NF1: variants seen among roughly 807,000 people sequenced by gnomAD.
NF1 encodes neurofibromin.
NF1 carries 122 observed loss-of-function variants against 325.7 expected under a neutral mutation model. That is an observed-to-expected ratio of 0.37 (90% CI 0.32 to 0.44). The LOEUF (loss-of-function observed/expected upper bound fraction) is 0.44. NF1 is among the 20% of genes least tolerant of loss of function. The pLI is 1.00. For synonymous variants in NF1, 1,091 were observed against 1,186.0 expected (o/e 0.92, Z 1.65); for missense variants, 2,140 against 3,415.4 (o/e 0.63, Z 9.31).
chr17:31,322,094 T>TACACACACACACACACACACACACAC (rs71142046), intron 36 of NF1, among the ~76,000 whole-genome samples: 5 of 147,412 alleles, frequency 3.4e-5, no homozygotes, highest in African/African-American at 1.3e-4. Context: ...AGTGTGTGTA[T>TACACACACACACACACACACACACAC]ACACACACAC....
intron 5 of NF1, among the ~76,000 whole-genome samples, chr17:31,179,282 A>G (rs1421619295): frequency 6.6e-6 from 1 of 152,222 alleles, no homozygotes; most frequent in Admixed American, 6.5e-5. Context: ...TAACAAAATG[A>G]AGGCAGAAAT....
chr17:31,128,715 G>C (rs1417829305), intron 1 of NF1, among the ~76,000 whole-genome samples: 1 of 152,072 alleles, frequency 6.6e-6, no homozygotes, highest in Non-Finnish European at 1.5e-5. Context: ...GAGGTCAGGA[G>C]ATCGAGACCA....
intron 13 of NF1, among the ~76,000 whole-genome samples, chr17:31,217,552 G>T (rs556999984): frequency 1.3e-5 from 2 of 151,982 alleles, no homozygotes; most frequent in South Asian, 4.2e-4. Context: ...CACTCCGCCT[G>T]CCTTGGCCTC....
intron 1 of NF1, among the ~76,000 whole-genome samples, chr17:31,098,840 G>C (rs1160069040): frequency 6.6e-6 from 1 of 150,422 alleles, no homozygotes; most frequent in Non-Finnish European, 1.5e-5. Flanking sequence ...GCTGAGGCAG[G>C]AGAATGGCCT....
Position 31,258,330 on chromosome 17 carries a change from C to A in NF1, c.4174-14C>A. The A allele has an allele frequency of 6.2e-7, 1 of 1,613,676 alleles. No homozygotes were observed. The highest frequency in any genetic ancestry group is 1.1e-5 in the South Asian group (1 of 91,076). On this transcript the variant is annotated splice_polypyrimidine_tract_variant and intron_variant, in intron 31 of 57. Coordinates refer to ENST00000358273, the MANE Select transcript of NF1 (RefSeq NM_001042492.3). ...TTCAAACCTTATACTCAATTCTCAA[C>A]TCCTTGTTTTTAGGTGGTTAGCCAG... is the stretch of plus-strand genomic sequence containing the variant.
Position 31,111,129 on chromosome 17 carries a change from C to T in NF1, c.60+15760C>T, listed in dbSNP as rs181251777. On this transcript the variant is annotated intron_variant, in intron 1 of 57. Transcript: ENST00000358273. The stretch of plus-strand genomic sequence containing the variant: ...ATCTGAAATTAATTATTCATTGTAC[C>T]GGTTCAGTAGCAGACTATACACAGC... Among the ~76,000 whole-genome samples the T allele has an allele frequency of 2.8e-4, 43 of 151,376 alleles. No individual in the cohort carries two copies. In the East Asian group the frequency reaches 4.5e-3, roughly 16 times the overall value.
At chr17:31,232,250 A>T in intron 25 of NF1, 61 bp downstream of exon 25, 1 of 1,021,764 alleles carries the variant, frequency 9.8e-7, no homozygotes, top group East Asian at 2.4e-5. Context: ...CACCACACAA[A>T]AAAAGCAAAG....
Position 31,349,115 on chromosome 17 carries a change from T to G in NF1, c.7190-5T>G, listed in dbSNP as rs748245325. The G allele has an allele frequency of 6.3e-7, 1 of 1,579,098 alleles. No homozygotes were observed. Among genetic ancestry groups the G allele is most frequent in the Non-Finnish European group, 8.6e-7 (1 of 1,161,470 alleles). ...TTTGTTTGTTTGTTTGTTTGTTTTT[T>G]GTAGGGTACAGGCATCCTTCACCTG... On this transcript the variant is annotated splice_region_variant and splice_polypyrimidine_tract_variant and intron_variant, in intron 48 of 57. Transcript: ENST00000358273.
At chr17:31,237,056 T>C (rs2067215768) in intron 29 of NF1, among the ~76,000 whole-genome samples, 1 of 152,254 alleles carries the variant, frequency 6.6e-6, no homozygotes. Context: ...TAAGATGTTC[T>C]TGTCTGTCTT....
At chr17:31,180,116 C>T (rs565151047) in intron 5 of NF1, among the ~76,000 whole-genome samples, 1 of 152,236 alleles carries the variant, frequency 6.6e-6, no homozygotes, top group African/African-American at 2.4e-5. Context: ...TAATAGCCTA[C>T]CAACCAAAAA....
At chr17:31,320,290 C>T (rs2151529691) in intron 36 of NF1, 1 of 1,151,880 alleles carries the variant, frequency 8.7e-7, no homozygotes, top group Non-Finnish European at 1.2e-6. Flanking sequence ...TGGTTAAGAA[C>T]CCTACGTATG....
intron 1 of NF1, among the ~76,000 whole-genome samples, chr17:31,132,296 C>T (rs1915450267): frequency 6.6e-6 from 1 of 152,078 alleles, no homozygotes; most frequent in Non-Finnish European, 1.5e-5. Flanking sequence ...AATCCCAGCA[C>T]TTTGCGAGGC....
intron 36 of NF1, among the ~76,000 whole-genome samples, chr17:31,302,876 A>G (rs1222739774): frequency 6.6e-6 from 1 of 152,146 alleles, no homozygotes; most frequent in Non-Finnish European, 1.5e-5. Context: ...AGAATACATG[A>G]AAGAAAATTT....
chr17:31,126,242 G>A (rs1914878726), intron 1 of NF1, among the ~76,000 whole-genome samples: 1 of 152,116 alleles, frequency 6.6e-6, no homozygotes, highest in South Asian at 2.1e-4. Context: ...TTGTTTCATT[G>A]TAATTTGAAT....
At chr17:31,262,500 T>C (rs770441830) in intron 35 of NF1, among the ~76,000 whole-genome samples, 2 of 152,200 alleles carry the variant, frequency 1.3e-5, no homozygotes, top group Non-Finnish European at 2.9e-5. Context: ...GCTTAGTAAG[T>C]GCTCCTTCGT....
intron 29 of NF1, among the ~76,000 whole-genome samples, chr17:31,248,173 G>A (rs905334655): frequency 6.6e-6 from 1 of 151,360 alleles, no homozygotes; most frequent in African/African-American, 2.4e-5. Context: ...TCACACTCCA[G>A]CCTGGGCAAC....
intron 1 of NF1, among the ~76,000 whole-genome samples, chr17:31,145,470 G>A (rs1916521348): frequency 6.6e-6 from 1 of 152,134 alleles, no homozygotes; most frequent in Non-Finnish European, 1.5e-5. Context: ...GGGATTAGAG[G>A]TGTGAACCAC....
At chr17:31,334,817 T>G in intron 39 of NF1, 21 bp from the exon 40 acceptor site, 1 of 1,578,360 alleles carries the variant, frequency 6.3e-7, no homozygotes, top group East Asian at 2.2e-5. Flanking sequence ...CATCACATGC[T>G]AATAGTGTAT....
At chr17:31,250,870 C>T (rs891377406) in intron 30 of NF1, 9 of 187,376 alleles carry the variant, frequency 4.8e-5, no homozygotes, top group African/African-American at 9.3e-5. Flanking sequence ...ATTTTAATAA[C>T]AAACCTGGTT....
Sources: allele counts gnomAD v4.1 joint callset (sites outside exome capture counted in the v4.1 genomes callset), GRCh38; gene constraint gnomAD v4.1.1; transcripts MANE v1.5; gene names NCBI Gene and HGNC (gene_info 2026-07-23, HGNC 2026-07-21).